The following EXOC1 variants were observed in gnomAD, a reference collection of about 807,000 sequenced individuals.
EXOC1 encodes the protein SEC3-like 1.
EXOC1 carries 67 observed loss-of-function variants against 107.7 expected under a neutral mutation model. The observed-to-expected ratio is 0.62, with a 90% CI of 0.51 to 0.76. EXOC1 has a LOEUF of 0.76. Ranked by LOEUF, EXOC1 falls within the 30% of genes least tolerant of loss-of-function variation. The pLI, the probability that EXOC1 is intolerant of heterozygous loss-of-function variation, is 0.00. For synonymous variants in EXOC1, 348 were observed against 353.5 expected (o/e 0.98, Z 0.17); for missense variants, 833 against 1,055.7 (o/e 0.79, Z 2.92).
intron 11 of EXOC1, among the ~76,000 whole-genome samples, chr4:55,889,560 G>A (rs552322004): frequency 1.6e-4 from 25 of 152,026 alleles, no homozygotes; most frequent in African/African-American, 9.6e-5. Context: ...ATTACATTTC[G>A]GCTGTATTTT....
chr4:55,883,085 GAATT>G (rs758327275), intron 9 of EXOC1: 15 of 152,044 alleles, frequency 9.9e-5, no homozygotes, highest in Non-Finnish European at 5.9e-5. Context: ...ATTTAAGCGA[GAATT>G]AATCAAATCT....
chr4:55,902,509 C>A lies in EXOC1; in HGVS notation c.2503C>A (p.His835Asn). The change falls in exon 18 of 19, where the codon CAT becomes AAT. Residue 835 changes from histidine (H) to asparagine (N), a missense_variant. Physicochemically the swap from His to Asn is moderately conservative, Grantham distance 68. Transcript: ENST00000381295. ...TAACCTCTACAAGAAAGTTGATAAA[C>A]ATTTATGTGAAGAAGAGAACTTACT... ...LDNLYKKVDKHLCEEENLLQV... is the reference protein window; with the variant it reads ...LDNLYKKVDKNLCEEENLLQV... The A allele has an allele frequency of 1.3e-6, 2 of 1,540,942 alleles. No individual in the cohort carries two copies. Among genetic ancestry groups the A allele is most frequent in the African/African-American group, 1.4e-5 (1 of 70,758 alleles).
intron 8 of EXOC1, among the ~76,000 whole-genome samples, chr4:55,874,364 GACCTTTAA>G (rs1233656423): frequency 6.6e-6 from 1 of 151,908 alleles, no homozygotes; most frequent in African/African-American, 2.4e-5. Context: ...ACCAAATAAA[GACCTTTAA>G]AAAGAAATAC....
In EXOC1 at chr4:55,904,158, A is replaced by G. The variant is rs567420866; in HGVS notation, c.2533-185A>G. ...AGATGAGGAACTTGAGGCATAGAGC[A>G]GTGATGTCATGTACTGAAGGTTACA... On this transcript the variant is annotated intron_variant, in intron 18 of 18. Coordinates refer to ENST00000381295, the MANE Select transcript of EXOC1 (RefSeq NM_001024924.2). Among the ~76,000 whole-genome samples the G allele has an allele frequency of 4.5e-4, 68 of 151,562 alleles. 2 individuals are homozygous for G. The South Asian group carries it at 9.1e-3, about 20-fold the overall frequency.
intron 13 of EXOC1, 63 bp downstream of exon 13, chr4:55,891,485 A>T: frequency 9.3e-7 from 1 of 1,074,632 alleles, no homozygotes; most frequent in African/African-American, 1.6e-5. Context: ...CTTAATTAAT[A>T]TGTGGTCACA....
chr4:55,854,645 G>C (rs997980653), intron 1 of EXOC1, among the ~76,000 whole-genome samples: 2 of 152,188 alleles, frequency 1.3e-5, no homozygotes, highest in African/African-American at 4.8e-5. Flanking sequence ...TTTGCTGAAT[G>C]AATGAAGAGT....
At chr4:55,877,460 C>T in intron 8 of EXOC1, 1 of 985,194 alleles carries the variant, frequency 1.0e-6, no homozygotes, top group Non-Finnish European at 1.2e-6. Context: ...ACTTTATATT[C>T]TACTTTTTTT....
intron 1 of EXOC1, among the ~76,000 whole-genome samples, chr4:55,855,902 G>A (rs564158893): frequency 6.6e-6 from 1 of 152,146 alleles, no homozygotes; most frequent in South Asian, 2.1e-4. Context: ...AAGGAGGAGA[G>A]GTTGGGTGAA....
intron 9 of EXOC1, among the ~76,000 whole-genome samples, chr4:55,881,953 C>G (rs1315824460): frequency 6.6e-6 from 1 of 151,738 alleles, no homozygotes; most frequent in East Asian, 1.9e-4. Context: ...ACACTAGAGG[C>G]AAGGGTTGCT....
At chr4:55,867,741 A>C (rs1407570568) in intron 4 of EXOC1, among the ~76,000 whole-genome samples, 1 of 152,198 alleles carries the variant, frequency 6.6e-6, no homozygotes, top group Non-Finnish European at 1.5e-5. Context: ...AAATGTTATC[A>C]ATGCATGTGA....
At chr4:55,862,621 T>A (rs1461013136) in intron 3 of EXOC1, among the ~76,000 whole-genome samples, 1 of 152,192 alleles carries the variant, frequency 6.6e-6, no homozygotes, top group Non-Finnish European at 1.5e-5. Context: ...TTCAATTCTG[T>A]TTATTAAGCT....
chr4:55,886,608 C>T (rs1381759257), intron 10 of EXOC1, among the ~76,000 whole-genome samples: 3 of 150,150 alleles, frequency 2.0e-5, no homozygotes, highest in East Asian at 3.9e-4. Flanking sequence ...GTAACCCCAT[C>T]GTAAGTCAAG....
intron 2 of EXOC1, among the ~76,000 whole-genome samples, chr4:55,859,509 A>C (rs933734679): frequency 2.6e-5 from 4 of 152,056 alleles, no homozygotes; most frequent in Admixed American, 2.0e-4. Context: ...TTTCTTATTA[A>C]TTCTAATTAT....
intron 10 of EXOC1, among the ~76,000 whole-genome samples, chr4:55,884,242 CTG>C (rs1723669543): frequency 6.6e-6 from 1 of 152,134 alleles, no homozygotes; most frequent in South Asian, 2.1e-4. Context: ...AAGTACTAGA[CTG>C]AGAGACAGAT....
At chr4:55,855,511 C>T (rs1720876879) in intron 1 of EXOC1, among the ~76,000 whole-genome samples, 2 of 152,032 alleles carry the variant, frequency 1.3e-5, no homozygotes, top group Admixed American at 6.5e-5. Flanking sequence ...TCTAGGAATA[C>T]AAAGATGATT....
At chr4:55,891,554 T>TA in intron 13 of EXOC1, 132 bp downstream of exon 13, 1 of 641,570 alleles carries the variant, frequency 1.6e-6, no homozygotes, top group Non-Finnish European at 2.6e-6. Context: ...TTTTATGATG[T>TA]AAGGATTTAG....
chr4:55,877,922 T>G lies in EXOC1; in HGVS notation c.1080T>G (p.His360Gln). The G allele has an allele frequency of 6.2e-7, 1 of 1,613,696 alleles. No individual in the cohort carries two copies. Among genetic ancestry groups the G allele is most frequent in the Non-Finnish European group, 8.5e-7 (1 of 1,179,790 alleles). ...ACTTATTTTACTCACTTTAGGGTCA[T>G]GATCAGAGTTCGACTCTTGCCCAAC... ...HLNNVFVQQG[H>Q]DQSSTLAQHS... Residue 360 changes from histidine (H) to glutamine (Q), a missense_variant, in exon 9 of 19, where the codon CAT becomes CAG. This residue lies in a region of EXOC1 where 617 missense variants were observed against 701.3 expected (regional missense o/e 0.88). Coordinates refer to ENST00000381295, the MANE Select transcript of EXOC1 (RefSeq NM_001024924.2).
At chr4:55,870,929 AC>A (rs751278702) in intron 6 of EXOC1, 24 bp downstream of exon 6, 1 of 1,575,312 alleles carries the variant, frequency 6.3e-7, no homozygotes, top group East Asian at 2.2e-5. Context: ...TAAATTACCA[AC>A]AAAAAAAAAC....
At chr4:55,901,923 T>TA (rs1725981243) in intron 17 of EXOC1, among the ~76,000 whole-genome samples, 1 of 152,008 alleles carries the variant, frequency 6.6e-6, no homozygotes, top group South Asian at 2.1e-4. Flanking sequence ...TTATGACAAA[T>TA]ATATTTATAG....
Sources: gnomAD v4.1 joint callset for allele counts (sites outside exome capture counted in the v4.1 genomes callset) on GRCh38, gnomAD v4.1.1 for gene constraint, gnomAD v4.1.1 regional missense constraint, MANE v1.5 for transcripts, NCBI Gene and HGNC (gene_info 2026-07-23, HGNC 2026-07-21) for gene names.